The following CD4 variants were observed in gnomAD, a reference collection of about 807,000 sequenced individuals.
CD4 encodes the protein T-cell surface glycoprotein CD4.
In CD4, 25 loss-of-function variants were observed where a neutral mutation model predicts 50.5. That is an observed-to-expected ratio of 0.49 (90% confidence interval 0.36 to 0.69). The LOEUF is 0.69. Among genes scored for constraint, CD4 ranks in the 30% least tolerant of loss-of-function variants. CD4 has a pLI of 0.00. For missense variants in CD4, 456 were observed against 548.5 expected (o/e 0.83, Z 1.68); for synonymous variants, 207 against 221.9 (o/e 0.93, Z 0.60).
intron 3 of CD4, chr12:6,813,692 A>C (rs1253834800): frequency 1.3e-5 from 2 of 154,944 alleles, no homozygotes; most frequent in Non-Finnish European, 2.9e-5. Context: ...ACAAATCACC[A>C]TCCAAAGAAA....
At chr12:6,797,289 C>T (rs1487919413) in intron 1 of CD4, among the ~76,000 whole-genome samples, 1 of 152,030 alleles carries the variant, frequency 6.6e-6, no homozygotes, top group Non-Finnish European at 1.5e-5. Context: ...AGGAAACTCT[C>T]CTTCATCCAA....
chr12:6,791,911 A>G (rs2857230), intron 1 of CD4, among the ~76,000 whole-genome samples: 84,476 of 151,862 alleles, frequency 0.56, 24,456 homozygotes, highest in East Asian at 0.73. Flanking sequence ...GGGAATCAGA[A>G]GTAGGTGGGC....
At chr12:6,794,310 A>C (rs574645759) in intron 1 of CD4, among the ~76,000 whole-genome samples, 118 of 151,200 alleles carry the variant, frequency 7.8e-4, no homozygotes, top group African/African-American at 2.7e-3. Context: ...AAAGTGATCC[A>C]CCCACCTTGG....
chr12:6,793,034 C>G (rs1335366739), intron 1 of CD4, among the ~76,000 whole-genome samples: 2 of 152,208 alleles, frequency 1.3e-5, no homozygotes, highest in Non-Finnish European at 1.5e-5. Context: ...CAGCCTCTCT[C>G]GGAGTGCTGG....
intron 3 of CD4, among the ~76,000 whole-genome samples, chr12:6,811,491 C>CTTTTTTTTTTTTTTTTTTTTTT (rs11318741): frequency 1.4e-4 from 15 of 111,018 alleles, no homozygotes; most frequent in East Asian, 2.8e-4. Context: ...TTTTCTTTTT[C>CTTTTTTTTTTTTTTTTTTTTTT]TTTTTTTTTT....
chr12:6,791,722 C>T (rs12303584), intron 1 of CD4, among the ~76,000 whole-genome samples: 2,794 of 152,252 alleles, frequency 0.018, 104 homozygotes, highest in African/African-American at 0.064. Context: ...TCTCTACAAA[C>T]CCCACAAAAG....
intron 4 of CD4, 79 bp from the exon 5 acceptor site, chr12:6,814,680 G>C (rs1200871367): frequency 3.9e-6 from 4 of 1,036,108 alleles, no homozygotes; most frequent in African/African-American, 1.6e-5. Context: ...ATAATGGAGA[G>C]ATGTTGTTGG....
In CD4 at chr12:6,814,149, C is replaced by T; in HGVS notation, c.222C>T (p.Ser74=). 2 of 1,613,822 alleles carry T rather than the reference C, an allele frequency of 1.2e-6. No individual in the cohort carries two copies. Among genetic ancestry groups the T allele is most frequent in the Non-Finnish European group, 1.7e-6 (2 of 1,179,868 alleles). The part of the protein sequence containing the change: ...NQGSFLTKGP[S]KLNDRADSRR... ...TATGTCTTCTGCTCCCAGGTCCATC[C>T]AAGCTGAATGATCGCGCTGACTCAA... Residue 74 remains serine (S), a synonymous_variant, in exon 4 of 10, where the codon TCC becomes TCT. Transcript: ENST00000011653.
chr12:6,794,775 G>GGTTTTTTTT (rs1942313022), intron 1 of CD4, among the ~76,000 whole-genome samples: 1 of 112,542 alleles, frequency 8.9e-6, no homozygotes, highest in African/African-American at 3.2e-5. Context: ...CTGTATGTCT[G>GGTTTTTTTT]TTTTTTTTTT....
intron 3 of CD4, among the ~76,000 whole-genome samples, chr12:6,805,327 T>C (rs1276770484): frequency 6.6e-6 from 1 of 151,040 alleles, no homozygotes; most frequent in African/African-American, 2.4e-5. Flanking sequence ...CTTTGGGAAG[T>C]TGAGGCTGGC....
Position 6,818,304 on chromosome 12 carries a change from C to G in CD4, c.1157-117C>G. ...TTGAGAGCCCCCAGGCACCCCTCCC[C>G]TCTCCCCCAACCCCAGGGTCAAACC... On this transcript the variant is annotated intron_variant, in intron 7 of 9. Coordinates refer to ENST00000011653, the MANE Select transcript of CD4 (RefSeq NM_000616.5). The surrounding 1 kb of genome is among the most constrained non-coding windows in gnomAD (Gnocchi z 5.0). The G allele has an allele frequency of 1.5e-6, 2 of 1,339,344 alleles. No individual in the cohort carries two copies. Among genetic ancestry groups the G allele is most frequent in the Non-Finnish European group, 1.0e-6 (1 of 971,268 alleles). The allele number at this position is 1,339,344 out of a possible 1,614,324, so 83.0% of individuals were successfully genotyped here.
intron 5 of CD4, chr12:6,815,724 T>C (rs1555117799): frequency 7.4e-7 from 1 of 1,342,862 alleles, no homozygotes; most frequent in Non-Finnish European, 9.8e-7. Context: ...GCTGTTATTT[T>C]GTGAAGGGTG....
Position 6,816,074 on chromosome 12 carries a change from G to A in CD4, c.626G>A (p.Ser209Asn). ...CCTCCAGCTTTCCAGAAGGCCTCCAGCATAGTCTATAAGAAAGAGGGGGAA... is the reference window on the plus strand; with the variant it reads ...CCTCCAGCTTTCCAGAAGGCCTCCAACATAGTCTATAAGAAAGAGGGGGAA... ...IVVLAFQKASSIVYKKEGEQV... is the reference protein window; with the variant it reads ...IVVLAFQKASNIVYKKEGEQV... The change falls in exon 6 of 10, where the codon AGC (serine) becomes AAC (asparagine). Residue 209 changes from serine to asparagine, a missense_variant. Physicochemically the swap from Ser to Asn is conservative, Grantham distance 46 (BLOSUM62 1). Coordinates refer to ENST00000011653, the MANE Select transcript of CD4 (RefSeq NM_000616.5). This position sits in a 1 kb window ranked among gnomAD's most constrained non-coding sequence, Gnocchi z 4.9. The A allele has an allele frequency of 6.2e-7, 1 of 1,614,124 alleles. No individual in the cohort carries two copies.
chr12:6,811,530 T>C (rs1555116985), intron 3 of CD4, among the ~76,000 whole-genome samples: 1 of 145,048 alleles, frequency 6.9e-6, no homozygotes, highest in Non-Finnish European at 1.5e-5. Flanking sequence ...TCTCACTCTG[T>C]CACCCAGGCT....
In CD4 at chr12:6,792,014, G is replaced by A. The variant is rs1942176201; in HGVS notation, c.-68+2352G>A. Among the ~76,000 whole-genome samples the A allele has an allele frequency of 6.6e-6, 1 of 152,186 alleles. No homozygotes were observed. The highest frequency in any genetic ancestry group is 1.5e-5 in the Non-Finnish European group (1 of 68,032). On this transcript the variant is annotated intron_variant, in intron 1 of 9. Coordinates refer to ENST00000011653, the MANE Select transcript of CD4 (RefSeq NM_000616.5). This position sits in a 1 kb window ranked among gnomAD's most constrained non-coding sequence, Gnocchi z 4.1. Reference sequence around the variant, plus strand: ...AGGGTGGGCACGGTTCCCCCGATGTGGGTGTCTGAGGCGAAGAAGAGGATG... The same window carrying A: ...AGGGTGGGCACGGTTCCCCCGATGTAGGTGTCTGAGGCGAAGAAGAGGATG...
Position 6,818,956 on chromosome 12 carries a change from AGGGG to A in CD4, c.1346+44_1346+47del, listed in dbSNP as rs782492569. ...AGGGGTTGAGAGAGGGGAAAGGGGG[AGGGG>A]GAGGGAGTTAGAGAGGAGGGGGAGG... On this transcript the variant is annotated intron_variant, in intron 9 of 9. Transcript: ENST00000011653. This position sits in a 1 kb window ranked among gnomAD's most constrained non-coding sequence, Gnocchi z 5.0. The A allele has an allele frequency of 2.0e-6, 1 of 507,004 alleles. No individual in the cohort carries two copies. The highest frequency in any genetic ancestry group is 3.5e-5 in the Admixed American group (1 of 28,924). 31.4% of individuals were successfully genotyped at this position (507,004 alleles called of 1,614,324 possible). A position where few individuals can be genotyped will look rare whatever the true frequency, so the allele number is the denominator to read the frequency against.
In CD4 at chr12:6,818,322, GTCAAACC is replaced by G; in HGVS notation, c.1157-98_1157-92del. On this transcript the variant is annotated intron_variant, in intron 7 of 9. Coordinates refer to ENST00000011653, the MANE Select transcript of CD4 (RefSeq NM_000616.5). The surrounding 1 kb of genome is among the most constrained non-coding windows in gnomAD (Gnocchi z 5.0). ...CCCTCCCCTCTCCCCCAACCCCAGG[GTCAAACC>G]AGAGACTGGCCAGGAGGGATTGCAG... is the stretch of plus-strand genomic sequence containing the variant. 6.6e-7 allele frequency: 1 copy of G among 1,514,094 alleles called. No homozygotes were observed. The highest frequency in any genetic ancestry group is 9.0e-7 in the Non-Finnish European group (1 of 1,113,210). 93.8% of individuals were successfully genotyped at this position (1,514,094 alleles called of 1,614,324 possible).
chr12:6,805,925 G>A (rs1233128290), intron 3 of CD4, among the ~76,000 whole-genome samples: 2 of 151,944 alleles, frequency 1.3e-5, no homozygotes, highest in Non-Finnish European at 2.9e-5. Context: ...TGGCACTCCA[G>A]CCTAAGTGAC....
chr12:6,808,876 G>C (rs1347684337), intron 3 of CD4, among the ~76,000 whole-genome samples: 1 of 152,146 alleles, frequency 6.6e-6, no homozygotes, highest in Non-Finnish European at 1.5e-5. Flanking sequence ...GCACTGAGTA[G>C]TATTATTTAA....
Sources: allele counts gnomAD v4.1 joint callset (sites outside exome capture counted in the v4.1 genomes callset), GRCh38; gene constraint gnomAD v4.1.1; non-coding constraint Gnocchi (gnomAD v3.1); transcripts MANE v1.5; gene names NCBI Gene and HGNC (gene_info 2026-07-23, HGNC 2026-07-21).